RIC3: variants seen among roughly 807,000 people sequenced by gnomAD.
RIC3 encodes the protein RIC3 acetylcholine receptor chaperone.
In RIC3, 28 loss-of-function variants were observed where a neutral mutation model predicts 27.3. That is an observed-to-expected ratio of 1.02 (90% CI 0.76 to 1.41). The LOEUF is 1.41. RIC3 is among the 40% of genes most tolerant of loss of function. RIC3 has a pLI of 0.00. For missense variants in RIC3, 501 were observed against 444.7 expected (o/e 1.13, Z -1.14); for synonymous variants, 184 against 160.4 (o/e 1.15, Z -1.11).
chr11:8,145,069 T>C (rs1342718600), intron 1 of RIC3, among the ~76,000 whole-genome samples: 1 of 140,994 alleles, frequency 7.1e-6, no homozygotes, highest in African/African-American at 2.6e-5. Flanking sequence ...TTGGGAGATA[T>C]ACCTAATGCT....
In RIC3 at chr11:8,147,350, G is replaced by A. The variant is rs542978604; in HGVS notation, c.125-7157C>T. The stretch of plus-strand genomic sequence containing the variant: ...TGTCCTGAACCTTGGCAAAATAAAC[G>A]TTCTAAATTAACTGAGATCTGTCTC... On this transcript the variant is annotated intron_variant, in intron 1 of 5. Coordinates refer to ENST00000309737, the MANE Select transcript of RIC3 (RefSeq NM_001206671.4). Among the ~76,000 whole-genome samples the A allele has an allele frequency of 1.6e-4, 24 of 152,084 alleles. 2 individuals carry two copies. The South Asian group carries it at 2.7e-3, about 17-fold the overall frequency.
chr11:8,094,157 C>G, the RIC3 span: 1 of 1,613,876 alleles, frequency 6.2e-7, no homozygotes, highest in Non-Finnish European at 8.5e-7. Context: ...CAGGGTGGCG[C>G]CGCTAGGAAG....
chr11:8,101,520 A>C (rs1420079010), downstream of RIC3: 2 of 1,614,226 alleles, frequency 1.2e-6, no homozygotes, highest in South Asian at 2.2e-5. Context: ...GCCGGGTAGC[A>C]GAGGATGTGT....
At chr11:8,131,997 T>C (rs1188708434) in intron 4 of RIC3, among the ~76,000 whole-genome samples, 1 of 149,702 alleles carries the variant, frequency 6.7e-6, no homozygotes, top group Non-Finnish European at 1.5e-5. Context: ...CAAAATAGGC[T>C]AAGTCTAGCC....
At chr11:8,156,166 G>C (rs1184024354) in intron 1 of RIC3, among the ~76,000 whole-genome samples, 2 of 152,182 alleles carry the variant, frequency 1.3e-5, no homozygotes, top group East Asian at 3.8e-4. Flanking sequence ...TTTGTTACCA[G>C]AATAATCTTC....
intron 1 of RIC3, among the ~76,000 whole-genome samples, chr11:8,164,912 C>T (rs911755390): frequency 8.6e-5 from 13 of 151,664 alleles, no homozygotes; most frequent in African/African-American, 3.2e-4. Flanking sequence ...ACAAAAAATG[C>T]TCAATGTCAT....
intron 1 of RIC3, among the ~76,000 whole-genome samples, chr11:8,146,838 G>A (rs560888501): frequency 2.0e-5 from 3 of 152,158 alleles, no homozygotes; most frequent in Non-Finnish European, 4.4e-5. Flanking sequence ...GACAGGAAAT[G>A]TTTAGATTAA....
intron 5 of RIC3, among the ~76,000 whole-genome samples, chr11:8,115,855 CA>C (rs1479204198): frequency 6.6e-6 from 1 of 152,136 alleles, no homozygotes; most frequent in African/African-American, 2.4e-5. Context: ...CAATCCCTAT[CA>C]AAATTTCAAT....
In RIC3 at chr11:8,110,634, G is replaced by A. The variant is rs1336696368; in HGVS notation, c.*64C>T. The A allele has an allele frequency of 4.2e-6, 6 of 1,444,512 alleles. No homozygotes were observed. Among genetic ancestry groups the A allele is most frequent in the South Asian group, 1.1e-5 (1 of 87,666 alleles). The allele number at this position is 1,444,512 out of a possible 1,614,324, so 89.5% of individuals were successfully genotyped here. On this transcript the variant is annotated 3_prime_UTR_variant, in exon 6 of 6. Coordinates refer to ENST00000309737, the MANE Select transcript of RIC3 (RefSeq NM_001206671.4). The stretch of plus-strand genomic sequence containing the variant: ...AAAGTGCAGGGCACAGGGCCAAGAA[G>A]GAAATCTGAGGAGAGAGAGGTCACC...
In RIC3 at chr11:8,137,439, G is replaced by C. The variant is rs758373726; in HGVS notation, c.460C>G (p.Leu154Val). Residue 154 changes from leucine to valine, a missense_variant, in exon 4 of 6, where the codon CTG becomes GTG. By Grantham distance (32) the Leu-to-Val change is conservative (BLOSUM62 1). Transcript: ENST00000309737. ...TCCATGGCTGCTTCTGTCTCCTTCA[G>C]TTTTTCTTGCAGTTGAGCAAGCTCA... ...SFELAQLQEK[L>V]KETEAAMEKL... 7.4e-6 allele frequency: 12 copies of C among 1,614,008 alleles called. No homozygotes were observed.
At chr11:8,141,294 G>T (rs954890898) in intron 1 of RIC3, among the ~76,000 whole-genome samples, 16 of 151,960 alleles carry the variant, frequency 1.1e-4, no homozygotes, top group South Asian at 2.1e-4. Context: ...CATCTCACGT[G>T]CAGAGACACA....
chr11:8,131,273 A>G (rs1378016193), intron 4 of RIC3, among the ~76,000 whole-genome samples: 1 of 152,228 alleles, frequency 6.6e-6, no homozygotes, highest in East Asian at 1.9e-4. Flanking sequence ...ATTAATTAAA[A>G]AGAAATGACA....
At chr11:8,168,165 C>T (rs55740723) in intron 1 of RIC3, among the ~76,000 whole-genome samples, 7,171 of 152,152 alleles carry the variant, frequency 0.047, 261 homozygotes, top group African/African-American at 0.1. Context: ...CCTTCAGCAC[C>T]GTGCCTTTAC....
intron 5 of RIC3, among the ~76,000 whole-genome samples, chr11:8,114,769 C>T (rs1554945871): frequency 1.3e-5 from 2 of 151,118 alleles, no homozygotes; most frequent in Admixed American, 1.3e-4. Flanking sequence ...AAAAAATTTA[C>T]GAGAGATTGA....
At chr11:8,163,613 A>G (rs1443961724) in intron 1 of RIC3, among the ~76,000 whole-genome samples, 1 of 152,182 alleles carries the variant, frequency 6.6e-6, no homozygotes, top group Non-Finnish European at 1.5e-5. Flanking sequence ...TAACAACATC[A>G]AAAAGAATAA....
At chr11:8,121,638 C>T (rs1946465458) in intron 5 of RIC3, among the ~76,000 whole-genome samples, 1 of 152,004 alleles carries the variant, frequency 6.6e-6, no homozygotes, top group Non-Finnish European at 1.5e-5. Context: ...ATCACTTGAA[C>T]CCAGGAGGCA....
At chr11:8,093,773 C>T in the RIC3 span, among the ~76,000 whole-genome samples, 2 of 152,186 alleles carry the variant, frequency 1.3e-5, no homozygotes, top group Non-Finnish European at 2.9e-5. Flanking sequence ...TTTGAGTGCG[C>T]ACTTTGTTGG....
chr11:8,125,650 T>C (rs1946911608), intron 5 of RIC3, among the ~76,000 whole-genome samples: 1 of 152,150 alleles, frequency 6.6e-6, no homozygotes, highest in Admixed American at 6.5e-5. Flanking sequence ...TTACCAAGGA[T>C]GTGGAGGAAC....
At chr11:8,138,540 A>G (rs1948670818) in intron 2 of RIC3, 193 bp from the exon 3 acceptor site, 1 of 529,350 alleles carries the variant, frequency 1.9e-6, no homozygotes, top group African/African-American at 1.9e-5. Context: ...AAATTATCAA[A>G]GCACAAGTGT....
Sources: gnomAD v4.1 joint callset for allele counts (sites outside exome capture counted in the v4.1 genomes callset) on GRCh38, gnomAD v4.1.1 for gene constraint, MANE v1.5 for transcripts, NCBI Gene and HGNC (gene_info 2026-07-23, HGNC 2026-07-21) for gene names.